KLF3: variants seen among roughly 807,000 people sequenced by gnomAD.
KLF3 encodes the protein KLF transcription factor 3, also known as Krueppel-like factor 3.
A neutral mutation model predicts 32.7 loss-of-function variants in KLF3; 6 were observed. That is an observed-to-expected ratio of 0.18 (90% confidence interval 0.10 to 0.36). The LOEUF (loss-of-function observed/expected upper bound fraction) is 0.36, where lower values mean the gene tolerates loss of function less well. KLF3 is among the 10% of genes least tolerant of loss of function. The pLI is 1.00. For synonymous variants in KLF3, 145 were observed against 172.8 expected, an observed-to-expected ratio of 0.84 and a Z score of 1.26; for missense variants, 338 against 449.7, an observed-to-expected ratio of 0.75 and a Z score of 2.25.
At chr4:38,665,577 A>G (rs888673638) in intron 1 of KLF3, among the ~76,000 whole-genome samples, 1 of 152,242 alleles carries the variant, frequency 6.6e-6, no homozygotes, top group Non-Finnish European at 1.5e-5. Context: ...TAAAATAAAC[A>G]TTTTACACTT....
At position 38,699,969 on chromosome 4, in the gene KLF3, T is replaced by C. The variant is rs1723154770; in HGVS notation, c.*2706T>C. 1 of 152,266 alleles carries C rather than the reference T, an allele frequency of 6.6e-6. No homozygotes were observed. The highest frequency in any genetic ancestry group is 2.4e-5 in the African/African-American group (1 of 41,472). The allele number at this position is 152,266 out of a possible 1,614,324, so 9.4% of individuals were successfully genotyped here. ...ATGTTACTATCAATGGTGATTTCAA[T>C]CGCAATATTTTAAATTGATGAGAAT... On this transcript the variant is annotated 3_prime_UTR_variant, in exon 6 of 6. Transcript: ENST00000261438.
At chr4:38,695,261 G>A (rs1395257920) in intron 5 of KLF3, among the ~76,000 whole-genome samples, 1 of 152,238 alleles carries the variant, frequency 6.6e-6, no homozygotes. Context: ...TACCTGCATT[G>A]TAAATTCATG....
intron 1 of KLF3, among the ~76,000 whole-genome samples, chr4:38,675,201 G>A (rs1371866087): frequency 1.3e-5 from 2 of 152,214 alleles, no homozygotes; most frequent in Non-Finnish European, 2.9e-5. Context: ...AGAGCATGAA[G>A]GGAAATCTGT....
chr4:38,666,617 A>G (rs556527565), intron 1 of KLF3, among the ~76,000 whole-genome samples: 20 of 152,390 alleles, frequency 1.3e-4, no homozygotes, highest in African/African-American at 4.3e-4. Context: ...TAATTTTTAG[A>G]TAAATGTCAG....
At position 38,688,447 on chromosome 4, in the gene KLF3, CATAT is replaced by C; in HGVS notation, c.58-133_58-130del. 1.2e-6 allele frequency: 1 copy of C among 844,014 alleles called. No homozygotes were observed. The highest frequency in any genetic ancestry group is 1.8e-6 in the Non-Finnish European group (1 of 548,910). 52.3% of individuals were successfully genotyped at this position (844,014 alleles called of 1,614,324 possible). ...CTCTTTGAGCATTTTTTTAAGGTCACATATATATCGAAATCTAAACTATTTTGTA... is the reference window on the plus strand; with the variant it reads ...CTCTTTGAGCATTTTTTTAAGGTCACATATCGAAATCTAAACTATTTTGTA... On this transcript the variant is annotated intron_variant, in intron 2 of 5. Transcript: ENST00000261438. This position sits in a 1 kb window ranked among gnomAD's most constrained non-coding sequence, Gnocchi z 4.9.
chr4:38,665,439 G>A (rs1733492654), intron 1 of KLF3, among the ~76,000 whole-genome samples: 1 of 152,158 alleles, frequency 6.6e-6, no homozygotes, highest in Non-Finnish European at 1.5e-5. Context: ...CTACTGACAA[G>A]GAGAAGCACT....
intron 1 of KLF3, among the ~76,000 whole-genome samples, chr4:38,676,126 GTT>G (rs1001685027): frequency 2.0e-5 from 3 of 152,110 alleles, no homozygotes; most frequent in African/African-American, 7.2e-5. Context: ...TCTTGTCTTT[GTT>G]AAAAGTTTTG....
At chr4:38,664,751 A>G (rs1428979071) in intron 1 of KLF3, 1 of 151,704 alleles carries the variant, frequency 6.6e-6, no homozygotes, top group South Asian at 2.1e-4. Context: ...CGGGGCTGGC[A>G]GCGCCCGCCG....
chr4:38,697,456 A>C lies in KLF3; in HGVS notation c.*193A>C. The stretch of plus-strand genomic sequence containing the variant: ...TTCTCTAATCCTCCCTCTCCTTACC[A>C]CGGGTCAGACCTAAAGAATGTGAAC... On this transcript the variant is annotated 3_prime_UTR_variant, in exon 6 of 6. Transcript: ENST00000261438. 8.5e-6 allele frequency: 4 copies of C among 469,148 alleles called. No homozygotes were observed. The highest frequency in any genetic ancestry group is 1.1e-5 in the Non-Finnish European group (3 of 270,190). The allele number at this position is 469,148 out of a possible 1,614,324, so 29.1% of individuals were successfully genotyped here.
chr4:38,666,024 C>T (rs1182319497), intron 1 of KLF3, among the ~76,000 whole-genome samples: 1 of 152,132 alleles, frequency 6.6e-6, no homozygotes, highest in Non-Finnish European at 1.5e-5. Context: ...TAATAGAAAC[C>T]TGAAATTAGA....
intron 2 of KLF3, among the ~76,000 whole-genome samples, chr4:38,686,283 A>C (rs1443684689): frequency 6.6e-6 from 1 of 151,848 alleles, no homozygotes; most frequent in African/African-American, 2.4e-5. Flanking sequence ...AGTCTCTACA[A>C]AAAAATACAA....
Position 38,680,605 on chromosome 4 carries a change from C to T in KLF3, c.-21C>T. On this transcript the variant is annotated 5_prime_UTR_variant, in exon 2 of 6. Transcript: ENST00000261438. ...TTTCTAGGCCAAACACCAGAGCACC[C>T]TAGAAGGTTTAACTAAAAGAATGCT... 1.9e-6 allele frequency: 3 copies of T among 1,603,270 alleles called. No homozygotes were observed. Among genetic ancestry groups the T allele is most frequent in the Middle Eastern group, 1.7e-4 (1 of 6,048 alleles).
At chr4:38,676,956 GTTTTT>G (rs34392158) in intron 1 of KLF3, among the ~76,000 whole-genome samples, 1 of 105,526 alleles carries the variant, frequency 9.5e-6, no homozygotes, top group Non-Finnish European at 1.9e-5. Context: ...GTGCCAGTGT[GTTTTT>G]TTTTTTTTTT....
intron 1 of KLF3, among the ~76,000 whole-genome samples, chr4:38,665,478 CAAT>C (rs1363280335): frequency 6.6e-6 from 1 of 152,084 alleles, no homozygotes; most frequent in Non-Finnish European, 1.5e-5. Context: ...TAGCAGTATA[CAAT>C]AATACTAGAA....
At chr4:38,694,549 CATG>C (rs1193012240) in intron 4 of KLF3, among the ~76,000 whole-genome samples, 194 bp from the exon 5 acceptor site, 1 of 152,186 alleles carries the variant, frequency 6.6e-6, no homozygotes, top group Non-Finnish European at 1.5e-5. Flanking sequence ...GTGCCTGGCT[CATG>C]GTAGGTGCTC....
chr4:38,677,457 C>A (rs929760686), intron 1 of KLF3, among the ~76,000 whole-genome samples: 3 of 152,158 alleles, frequency 2.0e-5, no homozygotes, highest in Admixed American at 6.6e-5. Context: ...TAGACAAAGT[C>A]ATTGAAAGCT....
chr4:38,692,816 A>G (rs1280088338), intron 4 of KLF3, among the ~76,000 whole-genome samples: 2 of 152,212 alleles, frequency 1.3e-5, no homozygotes, highest in Non-Finnish European at 2.9e-5. Context: ...ATAGTCTCCC[A>G]GTATCCCAAA....
At chr4:38,687,509 G>A (rs1175208185) in intron 2 of KLF3, among the ~76,000 whole-genome samples, 1 of 152,170 alleles carries the variant, frequency 6.6e-6, no homozygotes, top group African/African-American at 2.4e-5. Flanking sequence ...AAGAGAGAAA[G>A]GTGTTTGAAG....
intron 2 of KLF3, among the ~76,000 whole-genome samples, chr4:38,682,910 T>C (rs984915220): frequency 3.8e-5 from 5 of 131,814 alleles, no homozygotes; most frequent in African/African-American, 1.4e-4. Context: ...AATGAAGGTG[T>C]TTTTTTTTCT....
Sources: allele counts gnomAD v4.1 joint callset (sites outside exome capture counted in the v4.1 genomes callset), GRCh38; gene constraint gnomAD v4.1.1; non-coding constraint Gnocchi (gnomAD v3.1); transcripts MANE v1.5; gene names NCBI Gene and HGNC (gene_info 2026-07-23, HGNC 2026-07-21).